Variants in SAMD12 observed in about 807,000 individuals in gnomAD.
The protein encoded by SAMD12 is sterile alpha motif domain-containing protein 12.
A neutral mutation model predicts 15.0 loss-of-function variants in SAMD12; 9 were observed. That is an observed-to-expected ratio of 0.60 (90% CI 0.36 to 1.05). The LOEUF (loss-of-function observed/expected upper bound fraction) is 1.05, where lower values mean the gene tolerates loss of function less well. Ranked by LOEUF, SAMD12 falls within the 50% of genes least tolerant of loss-of-function variation. SAMD12 has a pLI of 0.01. For synonymous variants in SAMD12, 86 were observed against 90.1 expected, an observed-to-expected ratio of 0.96 and a Z score of 0.25; for missense variants, 230 against 234.2, an observed-to-expected ratio of 0.98 and a Z score of 0.12.
At chr8:118,296,092 T>A (rs1223516230) in intron 4 of SAMD12, among the ~76,000 whole-genome samples, 3 of 152,192 alleles carry the variant, frequency 2.0e-5, no homozygotes, top group Non-Finnish European at 4.4e-5. Flanking sequence ...CCTGTGGATA[T>A]GCATTTAGCA....
intron 2 of SAMD12, among the ~76,000 whole-genome samples, chr8:118,532,058 G>A (rs974561127): frequency 2.6e-5 from 4 of 152,206 alleles, no homozygotes; most frequent in African/African-American, 9.6e-5. Flanking sequence ...GATATTGGCT[G>A]TGGGTTTGTC....
chr8:118,185,724 T>A (rs1443968187), downstream of SAMD12, among the ~76,000 whole-genome samples: 1 of 152,210 alleles, frequency 6.6e-6, no homozygotes, highest in Non-Finnish European at 1.5e-5. Flanking sequence ...TGTCCAAGGT[T>A]ATGCAACTGT....
At chr8:118,286,515 GGCTAAC>G (rs1288289755) in intron 4 of SAMD12, among the ~76,000 whole-genome samples, 2 of 151,932 alleles carry the variant, frequency 1.3e-5, no homozygotes, top group African/African-American at 4.8e-5. Context: ...AGCTAATAAA[GGCTAAC>G]ACTACCACTC....
chr8:118,204,233 A>T (rs1195211449), intron 4 of SAMD12, among the ~76,000 whole-genome samples: 4 of 151,882 alleles, frequency 2.6e-5, no homozygotes, highest in South Asian at 2.1e-4. Context: ...TGTATGGGAG[A>T]GGTAAAAGAT....
chr8:118,325,225 C>T lies in SAMD12; in HGVS notation c.433+54335G>A, dbSNP rs189486441. Among the ~76,000 whole-genome samples, 28 of 152,292 alleles carry T rather than the reference C, an allele frequency of 1.8e-4. No individual in the cohort carries two copies. The East Asian group carries it at 5.0e-3, about 27-fold the overall frequency. ...CCCTAATTTGAGAATTGCCTCCTTA[C>T]CCTAATTTCATTTTTTAAATAGGAG... On this transcript the variant is annotated intron_variant, in intron 4 of 4. Coordinates refer to the SAMD12 transcript ENST00000409003.
At chr8:118,348,477 T>C (rs1275241403) in intron 4 of SAMD12, among the ~76,000 whole-genome samples, 2 of 151,988 alleles carry the variant, frequency 1.3e-5, no homozygotes, top group Non-Finnish European at 2.9e-5. Flanking sequence ...GTTCGTGCCA[T>C]TCTCCTGCCT....
intron 2 of SAMD12, among the ~76,000 whole-genome samples, chr8:118,572,876 TGTGGGAGGAACCTG>T (rs1300849499): frequency 6.6e-6 from 1 of 152,078 alleles, no homozygotes; most frequent in Non-Finnish European, 1.5e-5. Flanking sequence ...CCCCACGTGT[TGTGGGAGGAACCTG>T]GTGGGAGGTA....
At chr8:118,385,923 A>G (rs1819930343) in intron 3 of SAMD12, among the ~76,000 whole-genome samples, 1 of 152,244 alleles carries the variant, frequency 6.6e-6, no homozygotes. Flanking sequence ...CATTGTGGTG[A>G]CCACAGAAAC....
At chr8:118,417,707 C>A (rs957097733) in intron 3 of SAMD12, among the ~76,000 whole-genome samples, 1 of 152,040 alleles carries the variant, frequency 6.6e-6, no homozygotes, top group Non-Finnish European at 1.5e-5. Flanking sequence ...AACCACAGAA[C>A]ACATGCAATG....
At chr8:118,139,872 A>G in the SAMD12 span, among the ~76,000 whole-genome samples, 5 of 152,058 alleles carry the variant, frequency 3.3e-5, no homozygotes, top group Non-Finnish European at 7.4e-5. Flanking sequence ...TTCCCACTCA[A>G]TCCTCTAGGG....
intron 4 of SAMD12, among the ~76,000 whole-genome samples, chr8:118,310,933 T>C (rs1419195983): frequency 6.6e-6 from 1 of 152,196 alleles, no homozygotes; most frequent in East Asian, 1.9e-4. Context: ...CTCTGTATCT[T>C]GAATGGCACC....
intron 2 of SAMD12, among the ~76,000 whole-genome samples, chr8:118,504,988 T>G (rs1824883638): frequency 6.6e-6 from 1 of 152,238 alleles, no homozygotes; most frequent in African/African-American, 2.4e-5. Context: ...TAGGATGATC[T>G]GGCCAGACAT....
At chr8:118,351,722 G>A (rs984957943) in intron 4 of SAMD12, among the ~76,000 whole-genome samples, 1 of 152,194 alleles carries the variant, frequency 6.6e-6, no homozygotes, top group African/African-American at 2.4e-5. Context: ...AGGGCTCTGG[G>A]CATAGCCAGT....
At chr8:118,446,942 A>G (rs1298804292) in intron 2 of SAMD12, among the ~76,000 whole-genome samples, 2 of 152,172 alleles carry the variant, frequency 1.3e-5, no homozygotes, top group Admixed American at 1.3e-4. Context: ...TTTAATTTTT[A>G]CATATAATAA....
intron 2 of SAMD12, among the ~76,000 whole-genome samples, chr8:118,563,343 G>GA (rs1169093292): frequency 6.6e-6 from 1 of 152,064 alleles, no homozygotes; most frequent in Admixed American, 6.5e-5. Flanking sequence ...AATCACTTTC[G>GA]ACAGCAGTCA....
chr8:118,149,406 T>A, the SAMD12 span, among the ~76,000 whole-genome samples: 6 of 152,266 alleles, frequency 3.9e-5, no homozygotes, highest in African/African-American at 4.8e-5. Context: ...TCAACATTTT[T>A]AAATAAGCTT....
chr8:118,516,702 G>T (rs111241823), intron 2 of SAMD12, among the ~76,000 whole-genome samples: 21 of 150,664 alleles, frequency 1.4e-4, no homozygotes, highest in African/African-American at 5.1e-4. Flanking sequence ...GCAGTGGTGC[G>T]ATCTTGGCTC....
chr8:118,163,669 A>C, the SAMD12 span, among the ~76,000 whole-genome samples: 2 of 151,632 alleles, frequency 1.3e-5, no homozygotes, highest in Admixed American at 6.6e-5. Flanking sequence ...AGGTCAGGAG[A>C]TCGAGACCAT....
intron 4 of SAMD12, chr8:118,282,147 C>T: frequency 1.1e-5 from 4 of 370,972 alleles, no homozygotes; most frequent in Middle Eastern, 4.7e-4. Flanking sequence ...ATCTGACCAT[C>T]ATGACCTTAT....
Sources: gnomAD v4.1 joint callset for allele counts (sites outside exome capture counted in the v4.1 genomes callset) on GRCh38, gnomAD v4.1.1 for gene constraint, MANE v1.5 for transcripts, NCBI Gene and HGNC (gene_info 2026-07-23, HGNC 2026-07-21) for gene names.